MAF: variants seen among roughly 807,000 people sequenced by gnomAD.
MAF encodes MAF bZIP transcription factor.
A neutral mutation model predicts 22.0 loss-of-function variants in MAF; 10 were observed. The ratio of observed to expected loss-of-function variants is 0.45; its 90% CI spans 0.28 to 0.77. The LOEUF (loss-of-function observed/expected upper bound fraction) is 0.77. Ranked by LOEUF, MAF falls within the 30% of genes least tolerant of loss-of-function variation. MAF has a pLI of 0.12. For synonymous variants in MAF, 337 were observed against 255.8 expected (o/e 1.32, Z -3.03); for missense variants, 544 against 548.4 (o/e 0.99, Z 0.08).
chr16:79,220,690 G>C, the MAF span, among the ~76,000 whole-genome samples: 1 of 152,090 alleles, frequency 6.6e-6, no homozygotes, highest in Admixed American at 6.6e-5. Context: ...CTTAACATCA[G>C]TTCCAAGGAG....
chr16:79,376,953 T>C, the MAF span, among the ~76,000 whole-genome samples: 1 of 152,276 alleles, frequency 6.6e-6, no homozygotes, highest in African/African-American at 2.4e-5. Context: ...TTCCAAGTCT[T>C]TGCTGTTGTG....
At chr16:79,429,293 A>C in the MAF span, among the ~76,000 whole-genome samples, 1 of 152,148 alleles carries the variant, frequency 6.6e-6, no homozygotes, top group Non-Finnish European at 1.5e-5. Context: ...TGGGTCTGCT[A>C]CCTGCTGGCA....
chr16:79,322,611 CACAG>C, the MAF span, among the ~76,000 whole-genome samples: 1 of 152,068 alleles, frequency 6.6e-6, no homozygotes, highest in African/African-American at 2.4e-5. Flanking sequence ...TTCTAGAGGA[CACAG>C]ACAAAGAATT....
the MAF span, among the ~76,000 whole-genome samples, chr16:79,244,958 C>T: frequency 3.3e-5 from 5 of 151,998 alleles, no homozygotes; most frequent in Non-Finnish European, 1.5e-5. Flanking sequence ...CAAAAACAAT[C>T]AATGGGGAAA....
the MAF span, among the ~76,000 whole-genome samples, chr16:79,292,146 A>G: frequency 1.3e-5 from 2 of 152,124 alleles, no homozygotes; most frequent in African/African-American, 2.4e-5. Flanking sequence ...TCGCATCTCT[A>G]AGAAGACATG....
downstream of MAF, among the ~76,000 whole-genome samples, chr16:79,584,788 C>T (rs930157090): frequency 1.3e-5 from 2 of 152,110 alleles, no homozygotes; most frequent in Non-Finnish European, 2.9e-5. Flanking sequence ...TTAATTTCAT[C>T]CAAGACTAGA....
chr16:79,598,601 T>C (rs113176423), intron 1 of MAF, 184 bp downstream of exon 1: 92 of 1,484,064 alleles, frequency 6.2e-5, no homozygotes, highest in Middle Eastern at 4.8e-4. Context: ...TGTGTGTGTG[T>C]GTGTGTGTGG....
chr16:79,396,896 G>A, the MAF span, among the ~76,000 whole-genome samples: 1 of 152,350 alleles, frequency 6.6e-6, no homozygotes, highest in East Asian at 1.9e-4. Context: ...CAGAATATCA[G>A]GTTTTAGGAG....
the MAF span, among the ~76,000 whole-genome samples, chr16:79,372,320 G>T: frequency 6.6e-6 from 1 of 152,060 alleles, no homozygotes; most frequent in African/African-American, 2.4e-5. Flanking sequence ...AGAGAAGAAA[G>T]ATTTTTTAAA....
At chr16:79,474,409 C>T in the MAF span, among the ~76,000 whole-genome samples, 1 of 152,146 alleles carries the variant, frequency 6.6e-6, no homozygotes, top group Admixed American at 6.5e-5. Flanking sequence ...TGAGAGATGG[C>T]TGAGCAAGTG....
chr16:79,403,872 T>C, the MAF span, among the ~76,000 whole-genome samples: 2 of 152,172 alleles, frequency 1.3e-5, no homozygotes, highest in African/African-American at 2.4e-5. Context: ...AGCCTTTCTT[T>C]GTGGCATGGA....
At chr16:79,287,707 A>G in the MAF span, among the ~76,000 whole-genome samples, 1 of 151,810 alleles carries the variant, frequency 6.6e-6, no homozygotes, top group South Asian at 2.1e-4. Flanking sequence ...TCTTTCATTC[A>G]CTCATTCATT....
chr16:79,495,969 G>C, the MAF span, among the ~76,000 whole-genome samples: 1 of 152,136 alleles, frequency 6.6e-6, no homozygotes, highest in South Asian at 2.1e-4. Flanking sequence ...CTTGATAGAT[G>C]TTTTCTAAAA....
At chr16:79,469,147 G>C in the MAF span, among the ~76,000 whole-genome samples, 1 of 152,090 alleles carries the variant, frequency 6.6e-6, no homozygotes, top group Admixed American at 6.6e-5. Flanking sequence ...GCCCCATCCA[G>C]CCCACTGCCC....
At chr16:79,543,614 C>T in the MAF span, among the ~76,000 whole-genome samples, 3 of 151,956 alleles carry the variant, frequency 2.0e-5, no homozygotes, top group Non-Finnish European at 2.9e-5. Context: ...TGCTCCTCAA[C>T]GGTGGCCAAG....
At chr16:79,342,128 T>G in the MAF span, among the ~76,000 whole-genome samples, 1 of 152,170 alleles carries the variant, frequency 6.6e-6, no homozygotes, top group Non-Finnish European at 1.5e-5. Flanking sequence ...TAACACCGAA[T>G]CTCAGAGAAG....
chr16:79,277,545 T>C, the MAF span, among the ~76,000 whole-genome samples: 1 of 152,228 alleles, frequency 6.6e-6, no homozygotes, highest in African/African-American at 2.4e-5. Context: ...TATTATCTCA[T>C]TTAACTCTCT....
the MAF span, among the ~76,000 whole-genome samples, chr16:79,221,709 TTGTGTATGTG>T: frequency 8.6e-5 from 13 of 151,974 alleles, no homozygotes; most frequent in African/African-American, 2.7e-4. Context: ...GTGTATGTGA[TTGTGTATGTG>T]TGTGTGTGCA....
the MAF span, among the ~76,000 whole-genome samples, chr16:79,529,693 G>A: frequency 2.6e-5 from 4 of 152,222 alleles, no homozygotes; most frequent in African/African-American, 9.6e-5. Context: ...GGGCGCGGTG[G>A]CTCACGCCTG....
Sources: allele counts gnomAD v4.1 joint callset (sites outside exome capture counted in the v4.1 genomes callset), GRCh38; gene constraint gnomAD v4.1.1; transcripts MANE v1.5; gene names NCBI Gene and HGNC (gene_info 2026-07-23, HGNC 2026-07-21).